The following ERC1 variants were observed in gnomAD, a reference collection of about 807,000 sequenced individuals.
ERC1 encodes the protein RAB6 interacting protein 2.
Under a neutral mutation model 132.0 loss-of-function variants are expected in ERC1, and 56 were observed. The ratio of observed to expected loss-of-function variants is 0.42; its 90% CI spans 0.34 to 0.53. The LOEUF is 0.53. Ranked by LOEUF, ERC1 falls within the 20% of genes least tolerant of loss-of-function variation. ERC1 has a pLI of 0.03. For synonymous variants in ERC1, 478 were observed against 476.1 expected (o/e 1.00, Z -0.05); for missense variants, 1,202 against 1,349.9 (o/e 0.89, Z 1.72).
chr12:1,027,040 G>T (rs1460479936), intron 1 of ERC1, among the ~76,000 whole-genome samples: 2 of 152,148 alleles, frequency 1.3e-5, no homozygotes, highest in East Asian at 3.9e-4. Flanking sequence ...AGATAACTTT[G>T]TTTAGGTGTT....
chr12:1,209,402 C>CT (rs1180407168), intron 12 of ERC1, among the ~76,000 whole-genome samples: 183 of 116,538 alleles, frequency 1.6e-3, no homozygotes, highest in African/African-American at 7.2e-3. Context: ...TTCTTCATAG[C>CT]ATTTTTTTTT....
At chr12:1,176,690 C>T (rs1953766626) in intron 8 of ERC1, among the ~76,000 whole-genome samples, 2 of 151,880 alleles carry the variant, frequency 1.3e-5, no homozygotes, top group Non-Finnish European at 2.9e-5. Context: ...AAGCAGTTCT[C>T]CCATCTCAGC....
chr12:1,181,817 T>C, intron 9 of ERC1, 108 bp from the exon 10 acceptor site: 1 of 1,195,092 alleles, frequency 8.4e-7, no homozygotes. Context: ...TTTAAAAACT[T>C]ACCATTGTCT....
chr12:1,036,263 A>ATTT (rs34652414), intron 2 of ERC1, among the ~76,000 whole-genome samples: 1 of 145,680 alleles, frequency 6.9e-6, no homozygotes, highest in Non-Finnish European at 1.5e-5. Context: ...ATTCTTTGTC[A>ATTT]TTTTTTTTTC....
intron 15 of ERC1, among the ~76,000 whole-genome samples, chr12:1,298,591 C>A (rs1024881029): frequency 6.9e-5 from 10 of 145,954 alleles, no homozygotes; most frequent in Admixed American, 2.7e-4. Flanking sequence ...GAAGAGCTAA[C>A]AGAGGAAATA....
chr12:1,482,223 A>G (rs2094107086), intron 18 of ERC1, among the ~76,000 whole-genome samples: 1 of 152,134 alleles, frequency 6.6e-6, no homozygotes, highest in South Asian at 2.1e-4. Flanking sequence ...TGAGCAGCCC[A>G]GTGCCTTTCC....
chr12:1,478,040 CTCT>C (rs1324053751), intron 18 of ERC1, among the ~76,000 whole-genome samples: 1 of 152,204 alleles, frequency 6.6e-6, no homozygotes, highest in East Asian at 1.9e-4. Flanking sequence ...GGTTTTAATA[CTCT>C]TATCAGTGTC....
chr12:1,062,962 T>C (rs1938328178), intron 2 of ERC1, among the ~76,000 whole-genome samples: 1 of 152,228 alleles, frequency 6.6e-6, no homozygotes, highest in African/African-American at 2.4e-5. Context: ...TAATGTCCCT[T>C]TTTATGTTTT....
intron 8 of ERC1, among the ~76,000 whole-genome samples, chr12:1,170,402 C>T (rs1042434481): frequency 6.6e-6 from 1 of 152,126 alleles, no homozygotes; most frequent in African/African-American, 2.4e-5. Flanking sequence ...TCTCTCATCA[C>T]TAAAATGTAG....
chr12:1,223,767 T>C (rs1035086395), intron 12 of ERC1, among the ~76,000 whole-genome samples: 3 of 152,194 alleles, frequency 2.0e-5, no homozygotes, highest in Non-Finnish European at 4.4e-5. Context: ...AAAGCATTAA[T>C]TTATTTATGA....
At chr12:1,138,958 A>G (rs997910665) in intron 7 of ERC1, among the ~76,000 whole-genome samples, 3 of 152,216 alleles carry the variant, frequency 2.0e-5, no homozygotes, top group Non-Finnish European at 2.9e-5. Context: ...TCTGAGGCCC[A>G]GTTTCCCACA....
chr12:1,304,318 C>G (rs1232599043), intron 15 of ERC1, among the ~76,000 whole-genome samples: 1 of 152,190 alleles, frequency 6.6e-6, no homozygotes, highest in African/African-American at 2.4e-5. Context: ...TCCTAGGTCT[C>G]TTCCTTAGAT....
intron 17 of ERC1, among the ~76,000 whole-genome samples, chr12:1,438,946 T>TAAAAAAAA (rs145056944): frequency 2.5e-4 from 36 of 144,698 alleles, no homozygotes; most frequent in African/African-American, 8.9e-4. Context: ...TGTCTCAATT[T>TAAAAAAAA]AAAAAAAAAT....
intron 11 of ERC1, among the ~76,000 whole-genome samples, chr12:1,188,499 G>A (rs554939739): frequency 2.6e-5 from 4 of 152,288 alleles, no homozygotes; most frequent in Admixed American, 6.5e-5. Context: ...ACAACATTCA[G>A]TGCAGAACAG....
chr12:1,330,950 A>G (rs533913571), intron 15 of ERC1, among the ~76,000 whole-genome samples: 1 of 152,190 alleles, frequency 6.6e-6, no homozygotes, highest in African/African-American at 2.4e-5. Context: ...CATTCAATGT[A>G]CTGTCCCCTG....
chr12:1,411,558 A>G (rs2091852932), intron 17 of ERC1, among the ~76,000 whole-genome samples: 2 of 152,218 alleles, frequency 1.3e-5, no homozygotes, highest in Non-Finnish European at 2.9e-5. Flanking sequence ...TGGGTCAACC[A>G]GAAAGCTCTT....
At chr12:1,192,789 T>A (rs1955863252) in intron 12 of ERC1, among the ~76,000 whole-genome samples, 2 of 152,212 alleles carry the variant, frequency 1.3e-5, no homozygotes, top group Admixed American at 1.3e-4. Context: ...TTTTGCTTGA[T>A]CAGAGTTAAA....
intron 15 of ERC1, among the ~76,000 whole-genome samples, chr12:1,308,049 A>T (rs1409580908): frequency 6.6e-6 from 1 of 152,212 alleles, no homozygotes; most frequent in Non-Finnish European, 1.5e-5. Context: ...CATTGTGCAT[A>T]TAAGACATCA....
rs144340194 is a variant in ERC1 at position 1,239,276 on chromosome 12, G to A, written c.2487+2372G>A. Among the ~76,000 whole-genome samples, 590 of 152,048 alleles carry A rather than the reference G, an allele frequency of 3.9e-3. 5 individuals carry two copies. The highest frequency in any genetic ancestry group is 0.013 in the African/African-American group (528 of 41,474). On this transcript the variant is annotated intron_variant, in intron 13 of 18. Coordinates refer to ENST00000360905, the MANE Select transcript of ERC1 (RefSeq NM_178040.4). ...CACTATGTTGCCTTAGGCTGTTCTCGAACTCCTGGCTCCACACGAACCTCC... is the reference window on the plus strand; with the variant it reads ...CACTATGTTGCCTTAGGCTGTTCTCAAACTCCTGGCTCCACACGAACCTCC...
Sources: gnomAD v4.1 joint callset for allele counts (sites outside exome capture counted in the v4.1 genomes callset) on GRCh38, gnomAD v4.1.1 for gene constraint, MANE v1.5 for transcripts, NCBI Gene and HGNC (gene_info 2026-07-23, HGNC 2026-07-21) for gene names.